Variants in TFEC observed in about 807,000 individuals in gnomAD.
The protein encoded by TFEC is class E basic helix-loop-helix protein 34.
A neutral mutation model predicts 41.6 loss-of-function variants in TFEC; 31 were observed. The observed-to-expected ratio is 0.74, with a 90% CI of 0.56 to 1.01. The LOEUF (loss-of-function observed/expected upper bound fraction) is 1.01. TFEC is among the 50% of genes least tolerant of loss of function. The probability of loss-of-function intolerance (pLI) is 0.00; values close to 1 mark genes in which losing one functional copy is unlikely to be tolerated. For synonymous variants in TFEC, 143 were observed against 140.6 expected (o/e 1.02, Z -0.12); for missense variants, 402 against 404.1 (o/e 0.99, Z 0.04).
chr7:115,989,644 T>C (rs1201017696), intron 1 of TFEC, among the ~76,000 whole-genome samples: 1 of 152,126 alleles, frequency 6.6e-6, no homozygotes, highest in Non-Finnish European at 1.5e-5. Context: ...CAGTCTGAGA[T>C]TGAACTGCAA....
chr7:116,047,570 G>A (rs1356304335), intron 3 of TFEC, among the ~76,000 whole-genome samples: 4 of 152,186 alleles, frequency 2.6e-5, no homozygotes, highest in South Asian at 2.1e-4. Context: ...CTCCACCTCT[G>A]AGGGCAGGGC....
Position 116,012,816 on chromosome 7 carries a change from T to A in TFEC, c.-73+17817A>T, listed in dbSNP as rs565640232. The stretch of plus-strand genomic sequence containing the variant: ...CATAAGAATAAAAGGATTATAAAGA[T>A]TTATTTCTGGAAAAAAAAAAAAAAA... On this transcript the variant is annotated intron_variant, in intron 1 of 7. Coordinates refer to ENST00000265440, the MANE Select transcript of TFEC (RefSeq NM_012252.4). 2.4e-3 allele frequency among the ~76,000 whole-genome samples: 277 copies of A among 113,884 alleles called. 2 individuals are homozygous for A. The highest frequency in any genetic ancestry group is 8.5e-4 in the South Asian group (3 of 3,522). 74.7% of individuals were successfully genotyped at this position (113,884 alleles called of 152,430 possible).
At chr7:116,020,967 T>C (rs1414881776) in intron 1 of TFEC, among the ~76,000 whole-genome samples, 4 of 152,200 alleles carry the variant, frequency 2.6e-5, no homozygotes, top group Non-Finnish European at 5.9e-5. Flanking sequence ...TATAAAAATG[T>C]GCTTACAACA....
chr7:116,035,812 T>TGA (rs1282034548), upstream of TFEC, among the ~76,000 whole-genome samples: 4 of 151,416 alleles, frequency 2.6e-5, no homozygotes, highest in African/African-American at 9.7e-5. Context: ...AATAATTTGT[T>TGA]GAGAGAGAGA....
intron 1 of TFEC, among the ~76,000 whole-genome samples, chr7:115,994,663 T>G (rs554789349): frequency 6.6e-6 from 1 of 152,278 alleles, no homozygotes; most frequent in East Asian, 1.9e-4. Context: ...CTCACACCAG[T>G]TAGAATGGCA....
intron 1 of TFEC, among the ~76,000 whole-genome samples, chr7:116,009,153 T>A (rs1286111729): frequency 1.3e-5 from 2 of 152,176 alleles, no homozygotes; most frequent in African/African-American, 4.8e-5. Flanking sequence ...TTATAATAGT[T>A]TCTCAGTAAA....
chr7:115,994,175 C>T (rs1034046327), intron 1 of TFEC, among the ~76,000 whole-genome samples: 42 of 152,120 alleles, frequency 2.8e-4, no homozygotes, highest in Middle Eastern at 3.2e-3. Context: ...GAAACTGGAT[C>T]CCTTCCTTAC....
chr7:115,995,121 C>T (rs1490628747), intron 1 of TFEC, among the ~76,000 whole-genome samples: 1 of 148,452 alleles, frequency 6.7e-6, no homozygotes, highest in African/African-American at 2.5e-5. Context: ...ACCACATGTT[C>T]TCACTCATAA....
chr7:116,036,176 A>G (rs1051612523), intron 3 of TFEC, among the ~76,000 whole-genome samples: 4 of 152,066 alleles, frequency 2.6e-5, no homozygotes, highest in Admixed American at 1.3e-4. Context: ...ATTGGACCAT[A>G]ACATTTTCTT....
At chr7:116,007,746 G>C (rs1053928831) in intron 1 of TFEC, among the ~76,000 whole-genome samples, 1 of 152,124 alleles carries the variant, frequency 6.6e-6, no homozygotes, top group Admixed American at 6.6e-5. Context: ...TCAACCCCAT[G>C]ATTCTCTATT....
At chr7:116,050,312 T>A (rs1173822298) in intron 3 of TFEC, among the ~76,000 whole-genome samples, 2 of 152,036 alleles carry the variant, frequency 1.3e-5, no homozygotes, top group East Asian at 3.9e-4. Flanking sequence ...TCACCACTGA[T>A]CCCACAGAAA....
rs142179428 is a variant in TFEC at position 116,037,439 on chromosome 7, C to T, written c.199-52926G>A. 7.4e-4 allele frequency among the ~76,000 whole-genome samples: 113 copies of T among 152,042 alleles called. No individual in the cohort carries two copies. The Middle Eastern group carries it at 0.01, about 14-fold the overall frequency. On this transcript the variant is annotated intron_variant, in intron 3 of 8. Coordinates refer to the TFEC transcript ENST00000484212. The stretch of plus-strand genomic sequence containing the variant: ...CGAAATCAGACATGGGTGCATAGAA[C>T]TGGATTTTTTATGCTACTCATTGAT...
chr7:115,954,647 T>A lies in TFEC; in HGVS notation c.383-5A>T. 1 of 1,610,008 alleles carries A rather than the reference T, an allele frequency of 6.2e-7. No individual in the cohort carries two copies. Among genetic ancestry groups the A allele is most frequent in the Non-Finnish European group, 8.5e-7 (1 of 1,178,334 alleles). ...CTAAAGCTCTAGTGTCAGTTTCTGA[T>A]CAAAAGAAAAATAATAAAAACCATG... On this transcript the variant is annotated splice_region_variant and splice_polypyrimidine_tract_variant and intron_variant, in intron 4 of 7. Coordinates refer to ENST00000265440, the MANE Select transcript of TFEC (RefSeq NM_012252.4).
rs576508387 is a variant in TFEC, at chr7:115,995,964, A to G, written c.-72-11451T>C. On this transcript the variant is annotated intron_variant, in intron 1 of 7. Coordinates refer to ENST00000265440, the MANE Select transcript of TFEC (RefSeq NM_012252.4). The stretch of plus-strand genomic sequence containing the variant: ...CTTGCAAGTCTCACCACCATGGGTA[A>G]AGCTCTCTGGGTTTCTGAATAAACT... Among the ~76,000 whole-genome samples the G allele has an allele frequency of 8.5e-5, 13 of 152,306 alleles. No homozygotes were observed. The South Asian group carries it at 2.1e-3, about 24-fold the overall frequency.
intron 3 of TFEC, among the ~76,000 whole-genome samples, chr7:116,088,001 T>C (rs992858964): frequency 2.0e-5 from 3 of 152,132 alleles, no homozygotes; most frequent in Non-Finnish European, 4.4e-5. Flanking sequence ...CAATTCCCTG[T>C]AAGTCCATCT....
chr7:115,992,547 T>A (rs2130727340), intron 1 of TFEC, among the ~76,000 whole-genome samples: 1 of 152,194 alleles, frequency 6.6e-6, no homozygotes, highest in Non-Finnish European at 1.5e-5. Flanking sequence ...CCCACAGAAA[T>A]ACAAACTACC....
Position 115,940,348 on chromosome 7 carries a change from C to T in TFEC, c.*203G>A. ...TGGACTCCGTAGTCAAAGAAGAAAACACCTTTTTTTCGCCCTCAATAATTC... is the reference window on the plus strand; with the variant it reads ...TGGACTCCGTAGTCAAAGAAGAAAATACCTTTTTTTCGCCCTCAATAATTC... On this transcript the variant is annotated 3_prime_UTR_variant, in exon 8 of 8. Transcript: ENST00000265440. 1 of 522,838 alleles carries T rather than the reference C, an allele frequency of 1.9e-6. No individual in the cohort carries two copies. Among genetic ancestry groups the T allele is most frequent in the Non-Finnish European group, 3.2e-6 (1 of 311,684 alleles). The allele number at this position is 522,838 out of a possible 1,614,324, so 32.4% of individuals were successfully genotyped here.
intron 2 of TFEC, among the ~76,000 whole-genome samples, chr7:115,980,068 A>T (rs1055228983): frequency 2.0e-5 from 3 of 152,110 alleles, no homozygotes; most frequent in African/African-American, 7.2e-5. Flanking sequence ...GTAAATATCA[A>T]TTTTCTTCTT....
intron 1 of TFEC, among the ~76,000 whole-genome samples, chr7:116,112,197 C>T (rs1165531186): frequency 6.6e-6 from 1 of 151,936 alleles, no homozygotes; most frequent in African/African-American, 2.4e-5. Flanking sequence ...ACAATAGGAG[C>T]ATGTGTCTCC....
Sources: gnomAD v4.1 joint callset for allele counts (sites outside exome capture counted in the v4.1 genomes callset) on GRCh38, gnomAD v4.1.1 for gene constraint, MANE v1.5 for transcripts, NCBI Gene and HGNC (gene_info 2026-07-23, HGNC 2026-07-21) for gene names.